Variants in EXOSC5 observed in about 807,000 individuals in gnomAD.
EXOSC5 encodes the protein exosome component 5.
A neutral mutation model predicts 23.7 loss-of-function variants in EXOSC5; 15 were observed. That is an observed-to-expected ratio of 0.63 (90% CI 0.42 to 0.97). The LOEUF (loss-of-function observed/expected upper bound fraction) is 0.97, where lower values mean the gene tolerates loss of function less well. Ranked by LOEUF, EXOSC5 falls within the 50% of genes least tolerant of loss-of-function variation. The pLI, the probability that EXOSC5 is intolerant of heterozygous loss-of-function variation, is 0.00. For synonymous variants in EXOSC5, 143 were observed against 140.9 expected (o/e 1.02, Z -0.11); for missense variants, 305 against 316.3 (o/e 0.96, Z 0.27).
At chr19:41,388,320 A>G (rs1288140991) in intron 4 of EXOSC5, among the ~76,000 whole-genome samples, 2 of 152,214 alleles carry the variant, frequency 1.3e-5, no homozygotes, top group African/African-American at 4.8e-5. Flanking sequence ...TGTATTTCCC[A>G]GACTCCCTTA....
chr19:41,386,390 T>G lies in EXOSC5; in HGVS notation c.*243A>C. 2.1e-6 allele frequency: 1 copy of G among 476,898 alleles called. No individual in the cohort carries two copies. The highest frequency in any genetic ancestry group is 3.8e-6 in the Non-Finnish European group (1 of 266,318). The allele number at this position is 476,898 out of a possible 1,614,324, so 29.5% of individuals were successfully genotyped here. On this transcript the variant is annotated 3_prime_UTR_variant, in exon 6 of 6. Transcript: ENST00000221233. ...AGACATTTGTTAAAGTGAATTAATT[T>G]ATTGATTCATCCATTCCATAAATGT...
chr19:41,388,310 T>C (rs904562851), intron 4 of EXOSC5, among the ~76,000 whole-genome samples: 1 of 152,240 alleles, frequency 6.6e-6, no homozygotes, highest in Non-Finnish European at 1.5e-5. Context: ...GCCAGCAAGC[T>C]GTATTTCCCA....
chr19:41,391,830 A>G lies in EXOSC5; in HGVS notation c.384+11T>C. The G allele has an allele frequency of 6.7e-7, 1 of 1,498,452 alleles. No homozygotes were observed. The highest frequency in any genetic ancestry group is 1.3e-5 in the South Asian group (1 of 74,664). 92.8% of individuals were successfully genotyped at this position (1,498,452 alleles called of 1,614,324 possible). On this transcript the variant is annotated intron_variant, in intron 3 of 5. Transcript: ENST00000221233. ...GACTTCCTGGAGGAGGAGGCCTGGC[A>G]GAAAGGATACAGAGCCGGCATCGCT...
At position 41,393,017 on chromosome 19, in the gene EXOSC5, C is replaced by G. The variant is rs1463301627; in HGVS notation, c.149-37G>C. 2.5e-6 allele frequency: 4 copies of G among 1,592,854 alleles called. No homozygotes were observed. In the East Asian group the frequency reaches 8.9e-5, roughly 36 times the overall value. On this transcript the variant is annotated intron_variant, in intron 1 of 5. Transcript: ENST00000221233. ...GCAGGGAGGGCCTCACTCACAGCTTCCCTGCTCCTGGGGCCCCATTTGTGG... is the reference window on the plus strand; with the variant it reads ...GCAGGGAGGGCCTCACTCACAGCTTGCCTGCTCCTGGGGCCCCATTTGTGG...
intron 4 of EXOSC5, among the ~76,000 whole-genome samples, chr19:41,389,455 G>A (rs955330740): frequency 2.6e-5 from 4 of 151,970 alleles, no homozygotes; most frequent in African/African-American, 9.7e-5. Flanking sequence ...AGTAGAGATG[G>A]GGTTTCTCCA....
intron 4 of EXOSC5, 91 bp from the exon 5 acceptor site, chr19:41,387,694 A>C (rs2038994535): frequency 6.7e-6 from 6 of 893,304 alleles, no homozygotes; most frequent in Non-Finnish European, 9.7e-6. Flanking sequence ...ACAGTGGCTC[A>C]TGACCATAAT....
Position 41,389,924 on chromosome 19 carries a change from G to A in EXOSC5, c.385-19C>T. The A allele has an allele frequency of 6.4e-7, 1 of 1,571,136 alleles. No individual in the cohort carries two copies. Among genetic ancestry groups the A allele is most frequent in the Non-Finnish European group, 8.6e-7 (1 of 1,164,296 alleles). ...CCAGGAGCTGAGCACCACAGGAAAT[G>A]GTTAAGTTTCTTTTTTTTTTTTTTG... On this transcript the variant is annotated intron_variant, in intron 3 of 5. Transcript: ENST00000221233.
chr19:41,393,036 T>C, intron 1 of EXOSC5, 56 bp from the exon 2 acceptor site: 2 of 1,498,872 alleles, frequency 1.3e-6, no homozygotes, highest in Non-Finnish European at 1.9e-6. Context: ...TGGGGCCCCA[T>C]TTGTGGCACT....
At chr19:41,390,876 C>A (rs2039018389) in intron 3 of EXOSC5, among the ~76,000 whole-genome samples, 1 of 152,324 alleles carries the variant, frequency 6.6e-6, no homozygotes, top group Non-Finnish European at 1.5e-5. Flanking sequence ...TCTCTCTCTG[C>A]CCATCCATAA....
chr19:41,393,998 A>T (rs1345935979), intron 1 of EXOSC5, among the ~76,000 whole-genome samples: 5 of 152,156 alleles, frequency 3.3e-5, no homozygotes, highest in African/African-American at 1.2e-4. Flanking sequence ...ATCAGTCTGG[A>T]CACCTGAGAA....
intron 1 of EXOSC5, among the ~76,000 whole-genome samples, chr19:41,396,617 CTTTTT>C (rs60285872): frequency 0.016 from 2,090 of 130,106 alleles, 20 homozygotes; most frequent in African/African-American, 0.04. Context: ...TTGCCCTAAT[CTTTTT>C]TTTTTTTTTT....
chr19:41,395,312 A>G (rs972357591), intron 1 of EXOSC5, among the ~76,000 whole-genome samples: 1 of 152,106 alleles, frequency 6.6e-6, no homozygotes, highest in Non-Finnish European at 1.5e-5. Context: ...AGTTACCAAA[A>G]CAGAACTTGC....
intron 4 of EXOSC5, among the ~76,000 whole-genome samples, chr19:41,389,058 G>C (rs1302153822): frequency 6.6e-6 from 1 of 152,174 alleles, no homozygotes; most frequent in African/African-American, 2.4e-5. Flanking sequence ...TGATTCTCCT[G>C]CCTCAGCCTC....
chr19:41,395,064 C>T (rs2039052088), intron 1 of EXOSC5, among the ~76,000 whole-genome samples: 1 of 147,270 alleles, frequency 6.8e-6, no homozygotes, highest in Admixed American at 6.7e-5. Context: ...AAAAAAAGAA[C>T]TCCTGACCTC....
At chr19:41,392,591 A>T (rs530311276) in intron 2 of EXOSC5, among the ~76,000 whole-genome samples, 187 of 152,144 alleles carry the variant, frequency 1.2e-3, no homozygotes, top group Admixed American at 2.4e-3. Context: ...CTCCAAAAAA[A>T]AAATAAATAA....
chr19:41,392,111 A>G, intron 2 of EXOSC5, 149 bp from the exon 3 acceptor site: 1 of 1,211,422 alleles, frequency 8.3e-7, no homozygotes, highest in Non-Finnish European at 1.1e-6. Context: ...TCCAGTGGGA[A>G]GAAGGCAAGG....
At chr19:41,389,286 A>G (rs2039005805) in intron 4 of EXOSC5, among the ~76,000 whole-genome samples, 1 of 144,648 alleles carries the variant, frequency 6.9e-6, no homozygotes, top group Admixed American at 7.0e-5. Context: ...ATTTTTTGAG[A>G]TGGAGTTTCA....
chr19:41,397,250 T>A lies in EXOSC5; in HGVS notation c.79A>T (p.Ser27Cys). The A allele has an allele frequency of 1.2e-6, 2 of 1,614,210 alleles. No homozygotes were observed. The highest frequency in any genetic ancestry group is 1.7e-6 in the Non-Finnish European group (2 of 1,180,020). ...TGSSPRGPGC[S>C]LRHFACEQNL... ...TGTTCGCAGGCAAAGTGCCGGAGGC[T>A]GCAGCCAGGACCCCGAGGGCTGGAC... The change falls in exon 1 of 6, where the codon AGC becomes TGC. Residue 27 changes from serine to cysteine, a missense_variant. Physicochemically the swap from Ser to Cys is moderately radical, Grantham distance 112. Coordinates refer to ENST00000221233, the MANE Select transcript of EXOSC5 (RefSeq NM_020158.4).
chr19:41,392,291 A>G (rs1237726159), intron 2 of EXOSC5: 2 of 342,822 alleles, frequency 5.8e-6, no homozygotes, highest in Non-Finnish European at 1.1e-5. Flanking sequence ...GTGGAAAAAC[A>G]GGTTAATGGT....
Sources: gnomAD v4.1 joint callset for allele counts (sites outside exome capture counted in the v4.1 genomes callset) on GRCh38, gnomAD v4.1.1 for gene constraint, MANE v1.5 for transcripts, NCBI Gene and HGNC (gene_info 2026-07-23, HGNC 2026-07-21) for gene names.